LYPD6B: variants seen among roughly 807,000 people sequenced by gnomAD.
LYPD6B encodes the protein ly6/PLAUR domain-containing protein 6B.
LYPD6B carries 17 observed loss-of-function variants against 22.8 expected under a neutral mutation model. The observed-to-expected ratio is 0.75, with a 90% CI of 0.51 to 1.12. LYPD6B has a LOEUF of 1.12. Ranked by LOEUF, LYPD6B falls within the 50% of genes most tolerant of loss-of-function variation. The pLI is 0.00. For synonymous variants in LYPD6B, 106 were observed against 91.6 expected, an observed-to-expected ratio of 1.16 and a Z score of -0.90; for missense variants, 221 against 258.3, an observed-to-expected ratio of 0.86 and a Z score of 0.99.
intron 3 of LYPD6B, among the ~76,000 whole-genome samples, chr2:149,177,886 GGTAAT>G (rs1348318566): frequency 6.8e-6 from 1 of 146,186 alleles, no homozygotes; most frequent in Non-Finnish European, 1.5e-5. Context: ...CTGGAAGTAA[GGTAAT>G]GTTTATTGAG....
intron 1 of LYPD6B, among the ~76,000 whole-genome samples, chr2:149,078,350 T>C (rs995003669): frequency 6.6e-6 from 1 of 152,134 alleles, no homozygotes; most frequent in African/African-American, 2.4e-5. Context: ...AACATCTGAG[T>C]ATTTTGGAGA....
chr2:149,067,239 A>G (rs146333467), intron 1 of LYPD6B, among the ~76,000 whole-genome samples: 2 of 152,306 alleles, frequency 1.3e-5, no homozygotes, highest in Non-Finnish European at 2.9e-5. Context: ...GCGCTGCTAC[A>G]TAATATGTAA....
intron 2 of LYPD6B, among the ~76,000 whole-genome samples, chr2:149,144,247 C>G (rs1412452245): frequency 6.6e-6 from 1 of 152,130 alleles, no homozygotes; most frequent in Non-Finnish European, 1.5e-5. Flanking sequence ...GTATGGCCTA[C>G]AAGCTCAGAA....
At chr2:149,098,221 AT>A (rs1440245504) in intron 1 of LYPD6B, among the ~76,000 whole-genome samples, 1 of 80,310 alleles carries the variant, frequency 1.2e-5, no homozygotes, top group East Asian at 8.8e-4. Context: ...TAAGACTTAA[AT>A]TTTCTTAAGT....
At chr2:149,188,705 C>G in intron 3 of LYPD6B, 3 of 982,620 alleles carry the variant, frequency 3.1e-6, no homozygotes, top group Non-Finnish European at 3.6e-6. Context: ...TCCGTAACGT[C>G]TCAGGAGGTC....
At chr2:149,070,814 C>T (rs184151286) in intron 1 of LYPD6B, among the ~76,000 whole-genome samples, 148 of 152,244 alleles carry the variant, frequency 9.7e-4, no homozygotes, top group African/African-American at 3.4e-3. Context: ...TTCTGTGAAA[C>T]CAGTAAACAC....
chr2:149,073,280 C>T (rs1393096375), intron 1 of LYPD6B, among the ~76,000 whole-genome samples: 1 of 152,180 alleles, frequency 6.6e-6, no homozygotes, highest in Admixed American at 6.5e-5. Context: ...CTGATGTGGG[C>T]AGAGGCACCC....
chr2:149,171,849 A>G (rs951995794), intron 3 of LYPD6B, among the ~76,000 whole-genome samples: 2 of 152,146 alleles, frequency 1.3e-5, no homozygotes, highest in Non-Finnish European at 2.9e-5. Flanking sequence ...CCAATGATCT[A>G]TGTGAGAGCC....
chr2:149,158,190 T>C (rs1275005343), intron 2 of LYPD6B, among the ~76,000 whole-genome samples: 1 of 152,194 alleles, frequency 6.6e-6, no homozygotes, highest in Non-Finnish European at 1.5e-5. Context: ...ACCTCTTACA[T>C]ATGGTTCTTA....
intron 1 of LYPD6B, among the ~76,000 whole-genome samples, chr2:149,127,405 T>C (rs1687764405): frequency 1.3e-5 from 2 of 152,166 alleles, no homozygotes; most frequent in South Asian, 4.1e-4. Flanking sequence ...GGGACTGCAT[T>C]AGTAACCTTT....
At chr2:149,117,636 A>T (rs1017568905) in intron 1 of LYPD6B, among the ~76,000 whole-genome samples, 9 of 152,130 alleles carry the variant, frequency 5.9e-5, no homozygotes, top group Non-Finnish European at 1.3e-4. Flanking sequence ...TATTAAGGCC[A>T]CTTTCCTTTG....
intron 3 of LYPD6B, among the ~76,000 whole-genome samples, chr2:149,174,329 A>G (rs1691093649): frequency 6.6e-6 from 1 of 152,206 alleles, no homozygotes; most frequent in Non-Finnish European, 1.5e-5. Flanking sequence ...TCATCTGCCA[A>G]CAAAGATAGT....
intron 1 of LYPD6B, among the ~76,000 whole-genome samples, chr2:149,118,745 C>T (rs192707379): frequency 6.3e-4 from 96 of 152,278 alleles, no homozygotes; most frequent in South Asian, 1.9e-3. Flanking sequence ...TATGACAAAA[C>T]TGATTCTCGG....
At position 149,208,379 on chromosome 2, in the gene LYPD6B, A is replaced by T; in HGVS notation, c.295A>T (p.Asn99Tyr). 6.2e-7 allele frequency: 1 copy of T among 1,613,742 alleles called. No homozygotes were observed. Residue 99 changes from asparagine to tyrosine, a missense_variant, in exon 5 of 7, where the codon AAT becomes TAT. Physicochemically the swap from Asn to Tyr is moderately radical, Grantham distance 143 (BLOSUM62 -2). Coordinates refer to ENST00000409642, the MANE Select transcript of LYPD6B (RefSeq NM_177964.5). ...CENAGDNYNC[N>Y]RWAEDKWCPQ... ...AAACGCAGGGGATAATTATAACTGC[A>T]ATCGATGGGCAGAAGACAAATGGTG...
At chr2:149,119,409 A>T (rs1190996020) in intron 1 of LYPD6B, among the ~76,000 whole-genome samples, 1 of 152,254 alleles carries the variant, frequency 6.6e-6, no homozygotes, top group Non-Finnish European at 1.5e-5. Context: ...TGTCTTCCAC[A>T]CGAAGACATT....
chr2:149,187,905 A>G (rs1167629977), intron 3 of LYPD6B, among the ~76,000 whole-genome samples: 2 of 152,264 alleles, frequency 1.3e-5, no homozygotes, highest in Non-Finnish European at 2.9e-5. Context: ...ATTAATTAAA[A>G]TGTGGCTTTT....
In LYPD6B at chr2:149,068,546, A is replaced by C. The variant is rs559814194; in HGVS notation, c.-67+29745A>C. 32 of 283,798 alleles carry C rather than the reference A, an allele frequency of 1.1e-4. 1 individual carries two copies. In the South Asian group the frequency reaches 1.2e-3, roughly 11 times the overall value. 17.6% of individuals were successfully genotyped at this position (283,798 alleles called of 1,614,324 possible). A position where few individuals can be genotyped will look rare whatever the true frequency, so the allele number is the denominator to read the frequency against. On this transcript the variant is annotated intron_variant, in intron 1 of 6. Coordinates refer to ENST00000409642, the MANE Select transcript of LYPD6B (RefSeq NM_177964.5). ...ATACTTTTTATAAATAAAAAATTAC[A>C]AATTTTAAATAGCCAATGGTTGGTT...
At chr2:149,119,532 C>T (rs543111290) in intron 1 of LYPD6B, among the ~76,000 whole-genome samples, 9 of 152,320 alleles carry the variant, frequency 5.9e-5, no homozygotes, top group East Asian at 1.9e-4. Flanking sequence ...AACACATTAA[C>T]GATGAACTCA....
chr2:149,196,608 T>G (rs572407863), intron 3 of LYPD6B, among the ~76,000 whole-genome samples: 86 of 152,294 alleles, frequency 5.6e-4, no homozygotes, highest in Non-Finnish European at 1.0e-3. Context: ...TGAAGGCAGT[T>G]GAGATTATAG....
Sources: gnomAD v4.1 joint callset for allele counts (sites outside exome capture counted in the v4.1 genomes callset) on GRCh38, gnomAD v4.1.1 for gene constraint, MANE v1.5 for transcripts, NCBI Gene and HGNC (gene_info 2026-07-23, HGNC 2026-07-21) for gene names.